RTN1: variants seen among roughly 807,000 people sequenced by gnomAD.
RTN1 encodes the protein reticulon-1.
Under a neutral mutation model 65.5 loss-of-function variants are expected in RTN1, and 25 were observed. The observed-to-expected ratio is 0.38, with a 90% CI of 0.28 to 0.53. RTN1 has a LOEUF of 0.53. Ranked by LOEUF, RTN1 falls within the 20% of genes least tolerant of loss-of-function variation. The probability of loss-of-function intolerance (pLI) is 0.79; values close to 1 mark genes in which losing one functional copy is unlikely to be tolerated. For synonymous variants in RTN1, 471 were observed against 447.6 expected (o/e 1.05, Z -0.66); for missense variants, 983 against 1,025.4 (o/e 0.96, Z 0.57).
chr14:59,856,855 T>C (rs1351410222), intron 1 of RTN1, among the ~76,000 whole-genome samples: 1 of 152,226 alleles, frequency 6.6e-6, no homozygotes, highest in Non-Finnish European at 1.5e-5. Flanking sequence ...TTATCTGCCA[T>C]TTCCATGCAT....
intron 2 of RTN1, among the ~76,000 whole-genome samples, chr14:59,741,732 CCT>C (rs1362794459): frequency 1.3e-5 from 2 of 152,174 alleles, no homozygotes; most frequent in Non-Finnish European, 2.9e-5. Context: ...CTCTTCCTCC[CCT>C]GTGTCACCAA....
At chr14:59,736,256 A>G (rs934384403) in intron 2 of RTN1, among the ~76,000 whole-genome samples, 1 of 152,118 alleles carries the variant, frequency 6.6e-6, no homozygotes, top group African/African-American at 2.4e-5. Context: ...TTTTTAAAAA[A>G]TAATTTTAAA....
intron 3 of RTN1, among the ~76,000 whole-genome samples, chr14:59,693,011 G>A (rs566794588): frequency 2.0e-5 from 3 of 152,244 alleles, no homozygotes; most frequent in East Asian, 1.9e-4. Flanking sequence ...CCATCGTGAC[G>A]ATATTAGGAG....
intron 1 of RTN1, among the ~76,000 whole-genome samples, chr14:59,777,780 C>T (rs1886078728): frequency 1.3e-5 from 2 of 149,224 alleles, no homozygotes; most frequent in South Asian, 2.1e-4. Context: ...AAATCAAAAA[C>T]GGAAGCAAGT....
Position 59,625,965 on chromosome 14 carries a change from T to C in RTN1, c.1766-18473A>G, listed in dbSNP as rs558245756. 3.5e-4 allele frequency among the ~76,000 whole-genome samples: 53 copies of C among 152,314 alleles called. No individual in the cohort carries two copies. The South Asian group carries it at 6.8e-3, about 20-fold the overall frequency. On this transcript the variant is annotated intron_variant, in intron 3 of 8. Coordinates refer to ENST00000267484, the MANE Select transcript of RTN1 (RefSeq NM_021136.3). Reference sequence around the variant, plus strand: ...CTCCCCAGCTAAGGCAGTTTTCCCATTGGATCCCATTAGAATCTTTAGAGC... The same window carrying C: ...CTCCCCAGCTAAGGCAGTTTTCCCACTGGATCCCATTAGAATCTTTAGAGC...
intron 1 of RTN1, among the ~76,000 whole-genome samples, chr14:59,780,768 C>T (rs1329057932): frequency 6.6e-6 from 1 of 152,130 alleles, no homozygotes; most frequent in African/African-American, 2.4e-5. Context: ...AGTAGTGAAT[C>T]CAATTGTATC....
intron 3 of RTN1, among the ~76,000 whole-genome samples, chr14:59,721,075 T>C (rs1884637393): frequency 6.6e-6 from 1 of 152,190 alleles, no homozygotes; most frequent in South Asian, 2.1e-4. Context: ...CCAAATATTT[T>C]AGGACAGAAG....
intron 1 of RTN1, among the ~76,000 whole-genome samples, chr14:59,800,216 A>G (rs1886514684): frequency 6.6e-6 from 1 of 152,154 alleles, no homozygotes; most frequent in African/African-American, 2.4e-5. Flanking sequence ...AACTCTAGAA[A>G]CAAAATCCCA....
rs79629523 is a variant in RTN1 at position 59,803,966 on chromosome 14, G to A, written c.242-57485C>T. Among the ~76,000 whole-genome samples the A allele has an allele frequency of 0.012, 1,862 of 152,268 alleles. 35 individuals carry two copies. The highest frequency in any genetic ancestry group is 0.041 in the African/African-American group (1,713 of 41,548). Reference sequence around the variant, plus strand: ...TACAAAGCATTCCCACATGCTGTACGTCAGTTTCCTCTCTTGTTAACATCT... The same window carrying A: ...TACAAAGCATTCCCACATGCTGTACATCAGTTTCCTCTCTTGTTAACATCT... On this transcript the variant is annotated intron_variant, in intron 1 of 8. Coordinates refer to ENST00000267484, the MANE Select transcript of RTN1 (RefSeq NM_021136.3). The surrounding 1 kb of genome is among the most constrained non-coding windows in gnomAD (Gnocchi z 5.6).
At chr14:59,854,214 G>C (rs1186698439) in intron 1 of RTN1, among the ~76,000 whole-genome samples, 1 of 151,984 alleles carries the variant, frequency 6.6e-6, no homozygotes, top group African/African-American at 2.4e-5. Flanking sequence ...AGGTTCTTAA[G>C]GATTCTCAAG....
Position 59,726,945 on chromosome 14 carries a change from G to T in RTN1, c.1739C>A (p.Pro580Gln). 1 of 1,613,002 alleles carries T rather than the reference G, an allele frequency of 6.2e-7. No individual in the cohort carries two copies. ...TTTTTGCTTATTGAGAAACAGCAGT[G>T]GGGGCGGGGCGCCAGGACCTAGAGG... ...PGPLGPGAPP[P>Q]LLFLNKQKAI... is the part of the protein sequence containing the mutation. The change falls in exon 3 of 9, where the codon CCA becomes CAA. Residue 580 changes from proline (P) to glutamine (Q), a missense_variant. Coordinates refer to ENST00000267484, the MANE Select transcript of RTN1 (RefSeq NM_021136.3).
At chr14:59,664,168 G>T (rs1346962499) in intron 3 of RTN1, among the ~76,000 whole-genome samples, 7 of 152,234 alleles carry the variant, frequency 4.6e-5, no homozygotes, top group East Asian at 1.9e-4. Context: ...TCCTTTGCAG[G>T]GACATGGATG....
At chr14:59,690,998 T>C (rs1883949202) in intron 3 of RTN1, among the ~76,000 whole-genome samples, 1 of 152,062 alleles carries the variant, frequency 6.6e-6, no homozygotes, top group South Asian at 2.1e-4. Flanking sequence ...AGATATCAAC[T>C]TAACAATCTA....
intron 1 of RTN1, among the ~76,000 whole-genome samples, chr14:59,847,210 T>C (rs906125709): frequency 3.3e-5 from 5 of 152,190 alleles, no homozygotes; most frequent in East Asian, 1.9e-4. Flanking sequence ...TGTTTCTTTA[T>C]CTCCTTCATT....
chr14:59,814,380 CA>C (rs1886782362), intron 1 of RTN1, among the ~76,000 whole-genome samples: 1 of 152,170 alleles, frequency 6.6e-6, no homozygotes, highest in Non-Finnish European at 1.5e-5. Flanking sequence ...TAGCTGATTG[CA>C]TATTGGCAGT....
At chr14:59,695,076 T>C (rs1884035719) in intron 3 of RTN1, among the ~76,000 whole-genome samples, 1 of 152,146 alleles carries the variant, frequency 6.6e-6, no homozygotes, top group African/African-American at 2.4e-5. Flanking sequence ...TCTCAGAGTA[T>C]TCTATCCTCC....
At chr14:59,610,206 G>C in intron 3 of RTN1, 2 of 737,814 alleles carry the variant, frequency 2.7e-6, no homozygotes, top group Non-Finnish European at 5.0e-6. Flanking sequence ...TGAATGGCAG[G>C]CACTTCATGG....
chr14:59,603,034 C>G (rs1287896949), intron 8 of RTN1, 31 bp downstream of exon 8: 1 of 1,589,220 alleles, frequency 6.3e-7, no homozygotes, highest in Non-Finnish European at 8.6e-7. Flanking sequence ...AAGAGAGTCT[C>G]TCCTTTTATG....
chr14:59,800,679 C>T (rs1277579857), intron 1 of RTN1, among the ~76,000 whole-genome samples: 3 of 152,040 alleles, frequency 2.0e-5, no homozygotes, highest in African/African-American at 2.4e-5. Context: ...GGATTACAGG[C>T]GTGAGCCACC....
Sources: gnomAD v4.1 joint callset for allele counts (sites outside exome capture counted in the v4.1 genomes callset) on GRCh38, gnomAD v4.1.1 for gene constraint, Gnocchi (gnomAD v3.1) non-coding constraint, MANE v1.5 for transcripts, NCBI Gene and HGNC (gene_info 2026-07-23, HGNC 2026-07-21) for gene names.